Variants in CPE observed in about 807,000 individuals in gnomAD.
CPE encodes carbocypeptidase E.
CPE carries 17 observed loss-of-function variants against 53.5 expected under a neutral mutation model. That is an observed-to-expected ratio of 0.32 (90% CI 0.22 to 0.48). CPE has a LOEUF of 0.48. Ranked by LOEUF, CPE falls within the 20% of genes least tolerant of loss-of-function variation. The pLI, the probability that CPE is intolerant of heterozygous loss-of-function variation, is 0.99. For synonymous variants in CPE, 226 were observed against 228.8 expected, an observed-to-expected ratio of 0.99 and a Z score of 0.11; for missense variants, 524 against 614.7, an observed-to-expected ratio of 0.85 and a Z score of 1.56.
At chr4:165,477,619 A>G (rs1291479855) in intron 3 of CPE, among the ~76,000 whole-genome samples, 3 of 152,006 alleles carry the variant, frequency 2.0e-5, no homozygotes, top group South Asian at 2.1e-4. Context: ...TGTATCCCTT[A>G]TAGAGGTTCT....
intron 1 of CPE, among the ~76,000 whole-genome samples, chr4:165,389,195 C>T (rs76347787): frequency 0.012 from 1,790 of 152,172 alleles, 31 homozygotes; most frequent in African/African-American, 0.041. Context: ...GACTGAAATA[C>T]GATCTAGACA....
intron 1 of CPE, among the ~76,000 whole-genome samples, chr4:165,432,910 A>C (rs1731436978): frequency 6.6e-6 from 1 of 152,086 alleles, no homozygotes; most frequent in Non-Finnish European, 1.5e-5. Context: ...TTGTTCTTGA[A>C]TCTGTTCACT....
intron 3 of CPE, among the ~76,000 whole-genome samples, chr4:165,477,793 A>T (rs1732329545): frequency 6.6e-6 from 1 of 151,726 alleles, no homozygotes; most frequent in South Asian, 2.1e-4. Flanking sequence ...TGTGTGCTTC[A>T]GGAGGGGGTG....
At chr4:165,454,446 G>A (rs1731867673) in intron 1 of CPE, among the ~76,000 whole-genome samples, 1 of 152,224 alleles carries the variant, frequency 6.6e-6, no homozygotes, top group South Asian at 2.1e-4. Context: ...TGTTCCAAAG[G>A]TCTCCTGGGA....
At chr4:165,397,394 C>G (rs1355972286) in intron 1 of CPE, among the ~76,000 whole-genome samples, 1 of 152,132 alleles carries the variant, frequency 6.6e-6, no homozygotes, top group Non-Finnish European at 1.5e-5. Context: ...TTGTAAGTGG[C>G]AAAACCAAGA....
chr4:165,424,556 T>C (rs112839943), intron 1 of CPE, among the ~76,000 whole-genome samples: 44,606 of 151,634 alleles, frequency 0.29, 6,593 homozygotes, highest in Middle Eastern at 0.38. Flanking sequence ...TTTTTTGAGA[T>C]GGAGTCTCGC....
chr4:165,392,130 C>T (rs1730688870), intron 1 of CPE, among the ~76,000 whole-genome samples: 1 of 150,138 alleles, frequency 6.7e-6, no homozygotes, highest in Admixed American at 6.7e-5. Flanking sequence ...GGCTGATTTC[C>T]CTCATCAAGA....
intron 1 of CPE, among the ~76,000 whole-genome samples, chr4:165,395,052 T>A (rs959394777): frequency 6.6e-6 from 1 of 152,190 alleles, no homozygotes; most frequent in Admixed American, 6.5e-5. Flanking sequence ...TGTTTTGATT[T>A]TTGTCCTGTG....
intron 1 of CPE, among the ~76,000 whole-genome samples, chr4:165,416,078 G>A (rs767176036): frequency 3.2e-4 from 49 of 152,230 alleles, no homozygotes; most frequent in Middle Eastern, 3.4e-3. Flanking sequence ...GAATCTTCCC[G>A]CCTGCACTCC....
intron 5 of CPE, among the ~76,000 whole-genome samples, chr4:165,486,435 T>C (rs562370968): frequency 6.6e-6 from 1 of 152,306 alleles, no homozygotes; most frequent in African/African-American, 2.4e-5. Flanking sequence ...TGAATTAGCA[T>C]ATAGTGTGAA....
intron 1 of CPE, among the ~76,000 whole-genome samples, chr4:165,438,890 A>G (rs369405681): frequency 7.9e-5 from 12 of 152,288 alleles, no homozygotes; most frequent in Admixed American, 3.3e-4. Flanking sequence ...CAAAAATCAG[A>G]GGTAGAGATG....
Position 165,379,499 on chromosome 4 carries a change from T to G in CPE, c.278T>G (p.Leu93Arg). 1 of 1,599,830 alleles carries G rather than the reference T, an allele frequency of 6.3e-7. No homozygotes were observed. The highest frequency in any genetic ancestry group is 8.5e-7 in the Non-Finnish European group (1 of 1,171,200). The change falls in exon 1 of 9, where the codon CTG (leucine) becomes CGG (arginine). Residue 93 changes from leucine to arginine, a missense_variant. Coordinates refer to ENST00000402744, the MANE Select transcript of CPE (RefSeq NM_001873.4). The surrounding 1 kb of genome is among the most constrained non-coding windows in gnomAD (Gnocchi z 6.0). ...GGCCGGGAGCTCCTGGTCATCGAGC[T>G]GTCCGACAACCCTGGCGTCCATGAG... The part of the protein sequence containing the change: ...FEGRELLVIE[L>R]SDNPGVHEPG...
chr4:165,410,857 C>T (rs1268524120), intron 1 of CPE, among the ~76,000 whole-genome samples: 6 of 151,784 alleles, frequency 4.0e-5, no homozygotes, highest in Non-Finnish European at 4.4e-5. Context: ...TGTGTGTGCA[C>T]TTGCACTTTG....
chr4:165,479,054 A>G (rs1023538827), intron 3 of CPE, among the ~76,000 whole-genome samples: 10 of 152,344 alleles, frequency 6.6e-5, no homozygotes, highest in Admixed American at 3.9e-4. Context: ...AATAGAGGGA[A>G]TGAGAGATGT....
chr4:165,476,154 G>A (rs190396761), intron 3 of CPE, among the ~76,000 whole-genome samples: 5 of 152,310 alleles, frequency 3.3e-5, no homozygotes, highest in Non-Finnish European at 5.9e-5. Flanking sequence ...GAGTAGCAGT[G>A]AAAGTGTATT....
chr4:165,418,925 A>T (rs1731165530), intron 1 of CPE, among the ~76,000 whole-genome samples: 1 of 152,186 alleles, frequency 6.6e-6, no homozygotes, highest in Non-Finnish European at 1.5e-5. Context: ...AAAAAATATT[A>T]TAAATATTTT....
At chr4:165,424,967 C>T (rs1731294123) in intron 1 of CPE, among the ~76,000 whole-genome samples, 4 of 151,824 alleles carry the variant, frequency 2.6e-5, no homozygotes, top group South Asian at 4.2e-4. Flanking sequence ...CTACACCTCC[C>T]TGGTTCAAAT....
At chr4:165,475,346 A>AT (rs1305961928) in intron 3 of CPE, among the ~76,000 whole-genome samples, 1 of 152,224 alleles carries the variant, frequency 6.6e-6, no homozygotes, top group Non-Finnish European at 1.5e-5. Context: ...ATTTGTATCT[A>AT]TCCTGGCAAT....
At chr4:165,433,367 A>G (rs1731444128) in intron 1 of CPE, among the ~76,000 whole-genome samples, 1 of 152,130 alleles carries the variant, frequency 6.6e-6, no homozygotes, top group African/African-American at 2.4e-5. Context: ...AAGTGACTCC[A>G]TTTTGATTTT....
Sources: allele counts gnomAD v4.1 joint callset (sites outside exome capture counted in the v4.1 genomes callset), GRCh38; gene constraint gnomAD v4.1.1; non-coding constraint Gnocchi (gnomAD v3.1); transcripts MANE v1.5; gene names NCBI Gene and HGNC (gene_info 2026-07-23, HGNC 2026-07-21).